The following ATP8A2 variants were observed in gnomAD, a reference collection of about 807,000 sequenced individuals.
ATP8A2 encodes ATPase phospholipid transporting 8A2.
In ATP8A2, 100 loss-of-function variants were observed where a neutral mutation model predicts 165.6. The observed-to-expected ratio is 0.60, with a 90% CI of 0.51 to 0.71. The LOEUF is 0.71. ATP8A2 is among the 30% of genes least tolerant of loss of function. The probability of loss-of-function intolerance (pLI) is 0.00; values close to 1 mark genes in which losing one functional copy is unlikely to be tolerated. For synonymous variants in ATP8A2, 543 were observed against 548.8 expected, an observed-to-expected ratio of 0.99 and a Z score of 0.15; for missense variants, 1,227 against 1,479.5, an observed-to-expected ratio of 0.83 and a Z score of 2.80.
intron 27 of ATP8A2, among the ~76,000 whole-genome samples, chr13:25,806,157 G>A (rs1296377502): frequency 1.3e-5 from 2 of 152,122 alleles, no homozygotes; most frequent in African/African-American, 4.8e-5. Flanking sequence ...TTGTTCACAG[G>A]GGTAAGTTGA....
intron 2 of ATP8A2, among the ~76,000 whole-genome samples, chr13:25,515,754 G>A (rs1241769534): frequency 2.0e-5 from 3 of 152,212 alleles, no homozygotes; most frequent in East Asian, 1.9e-4. Context: ...CCTTTAGATC[G>A]GGTCTTTACT....
intron 33 of ATP8A2, among the ~76,000 whole-genome samples, chr13:25,896,589 G>A (rs1349921869): frequency 3.3e-5 from 5 of 152,300 alleles, no homozygotes; most frequent in African/African-American, 1.2e-4. Flanking sequence ...GGATATGCTT[G>A]TTAACCTTCT....
intron 25 of ATP8A2, among the ~76,000 whole-genome samples, chr13:25,727,852 A>G (rs1029919020): frequency 2.0e-5 from 3 of 152,118 alleles, no homozygotes. Flanking sequence ...AACTCTGCGA[A>G]ATCTACATAT....
At chr13:25,681,000 C>G (rs937504558) in intron 24 of ATP8A2, among the ~76,000 whole-genome samples, 1 of 152,190 alleles carries the variant, frequency 6.6e-6, no homozygotes, top group African/African-American at 2.4e-5. Context: ...TCAAACAATA[C>G]AACTCAGTAT....
At chr13:25,918,387 T>C (rs1405570677) in intron 33 of ATP8A2, among the ~76,000 whole-genome samples, 1 of 152,182 alleles carries the variant, frequency 6.6e-6, no homozygotes, top group Non-Finnish European at 1.5e-5. Context: ...TATGTGATAG[T>C]CCAGTTACAA....
chr13:25,965,885 G>A (rs1233100357), intron 34 of ATP8A2, among the ~76,000 whole-genome samples: 1 of 152,084 alleles, frequency 6.6e-6, no homozygotes, highest in African/African-American at 2.4e-5. Flanking sequence ...ACACAAATGG[G>A]CCTTGATTTC....
Position 25,828,175 on chromosome 13 carries a change from A to G in ATP8A2, c.2737A>G (p.Ile913Val). 1 of 1,614,048 alleles carries G rather than the reference A, an allele frequency of 6.2e-7. No individual in the cohort carries two copies. Among genetic ancestry groups the G allele is most frequent in the Non-Finnish European group, 8.5e-7 (1 of 1,179,880 alleles). ...GCAGATTTTATTTGAACGTTGGTGC[A>G]TCGGCCTGTACAATGTGGTAAGCAT... ...SGQILFERWC[I>V]GLYNVIFTAL... The change falls in exon 28 of 37, where the codon ATC becomes GTC. Residue 913 changes from isoleucine (I) to valine (V), a missense_variant. By Grantham distance (29) the Ile-to-Val change is conservative. Coordinates refer to ENST00000381655, the MANE Select transcript of ATP8A2 (RefSeq NM_016529.6).
chr13:25,769,983 G>A lies in ATP8A2; in HGVS notation c.2568+754G>A, dbSNP rs217881. Among the ~76,000 whole-genome samples, 709 of 152,310 alleles carry A rather than the reference G, an allele frequency of 4.7e-3. 5 individuals are homozygous for A. Among genetic ancestry groups the A allele is most frequent in the African/African-American group, 0.016 (682 of 41,572 alleles). The stretch of plus-strand genomic sequence containing the variant: ...AGGAAGATAGCCAATTTCCTAACCC[G>A]TAGGGTGCATATCTGAGACCACCTT... On this transcript the variant is annotated intron_variant, in intron 26 of 36. Coordinates refer to ENST00000381655, the MANE Select transcript of ATP8A2 (RefSeq NM_016529.6).
intron 1 of ATP8A2, among the ~76,000 whole-genome samples, chr13:25,449,999 T>G (rs4512958): frequency 0.94 from 143,468 of 151,994 alleles, 67,911 homozygotes; most frequent in East Asian, 1. Flanking sequence ...CCTCCTAAAG[T>G]CCCCAGTGTG....
At chr13:25,390,185 G>C (rs1247453366) in intron 1 of ATP8A2, among the ~76,000 whole-genome samples, 1 of 152,058 alleles carries the variant, frequency 6.6e-6, no homozygotes, top group Non-Finnish European at 1.5e-5. Context: ...GTACAGATGA[G>C]GTTTCACCAT....
At chr13:25,645,685 G>A (rs749898550) in intron 24 of ATP8A2, among the ~76,000 whole-genome samples, 7 of 151,952 alleles carry the variant, frequency 4.6e-5, no homozygotes, top group Non-Finnish European at 7.4e-5. Flanking sequence ...TGGTTGTTCC[G>A]AAGGATGTTT....
chr13:25,533,314 G>A lies in ATP8A2; in HGVS notation c.507+1G>A, dbSNP rs777056908. The A allele has an allele frequency of 1.3e-6, 2 of 1,493,598 alleles. No homozygotes were observed. The highest frequency in any genetic ancestry group is 1.9e-6 in the Non-Finnish European group (2 of 1,075,090). The allele number at this position is 1,493,598 out of a possible 1,614,324, so 92.5% of individuals were successfully genotyped here. The stretch of plus-strand genomic sequence containing the variant: ...GTGGCATACCATTATGTGGAAAGAG[G>A]TAAAAACTAATTTTAAAGATGTACC... On this transcript the variant is annotated splice_donor_variant, in intron 6 of 36. Coordinates refer to ENST00000381655, the MANE Select transcript of ATP8A2 (RefSeq NM_016529.6). LOFTEE classifies it high-confidence loss of function.
chr13:25,773,006 C>T (rs1055015984), intron 26 of ATP8A2, among the ~76,000 whole-genome samples: 3 of 152,076 alleles, frequency 2.0e-5, no homozygotes, highest in Admixed American at 2.0e-4. Flanking sequence ...GTGATCTGCC[C>T]GCCTTGGCCT....
chr13:25,427,991 C>T (rs1273839862), intron 1 of ATP8A2, among the ~76,000 whole-genome samples: 4 of 151,974 alleles, frequency 2.6e-5, no homozygotes, highest in African/African-American at 9.7e-5. Context: ...CAGCCTAGTC[C>T]TTGGCAGCAT....
intron 24 of ATP8A2, among the ~76,000 whole-genome samples, chr13:25,662,998 C>T (rs2042082494): frequency 6.6e-6 from 1 of 152,206 alleles, no homozygotes; most frequent in African/African-American, 2.4e-5. Flanking sequence ...TATTTGATGG[C>T]TGCCCTTCCC....
intron 10 of ATP8A2, among the ~76,000 whole-genome samples, chr13:25,544,918 T>TG (rs1468173882): frequency 6.6e-6 from 1 of 151,132 alleles, no homozygotes; most frequent in Non-Finnish European, 1.5e-5. Flanking sequence ...GAGTTTTTTT[T>TG]TTTTTTTTTT....
chr13:25,567,760 CTT>C (rs939407263), intron 16 of ATP8A2, among the ~76,000 whole-genome samples: 1 of 152,176 alleles, frequency 6.6e-6, no homozygotes, highest in Non-Finnish European at 1.5e-5. Flanking sequence ...TAACTAAACT[CTT>C]TGACATTTAA....
At chr13:25,437,243 C>G (rs1006087289) in intron 1 of ATP8A2, among the ~76,000 whole-genome samples, 1 of 152,096 alleles carries the variant, frequency 6.6e-6, no homozygotes, top group Non-Finnish European at 1.5e-5. Flanking sequence ...GTTCTTTGCC[C>G]ACTTTTTAAT....
At chr13:25,835,710 T>A (rs60716044) in intron 28 of ATP8A2, among the ~76,000 whole-genome samples, 3,830 of 152,162 alleles carry the variant, frequency 0.025, 166 homozygotes, top group African/African-American at 0.085. Context: ...TTGATTTTTC[T>A]AATATACAAA....
Sources: gnomAD v4.1 joint callset for allele counts (sites outside exome capture counted in the v4.1 genomes callset) on GRCh38, gnomAD v4.1.1 for gene constraint, MANE v1.5 for transcripts, NCBI Gene and HGNC (gene_info 2026-07-23, HGNC 2026-07-21) for gene names.